SMG7: variants seen among roughly 807,000 people sequenced by gnomAD.
SMG7 encodes the protein SMG7 nonsense mediated mRNA decay factor, also known as nonsense-mediated mRNA decay factor SMG7.
SMG7 carries 34 observed loss-of-function variants against 148.2 expected under a neutral mutation model. The observed-to-expected ratio is 0.23, with a 90% CI of 0.17 to 0.31. The LOEUF is 0.31. SMG7 is among the 10% of genes least tolerant of loss of function. The pLI, the probability that SMG7 is intolerant of heterozygous loss-of-function variation, is 1.00. For missense variants in SMG7, 1,114 were observed against 1,408.4 expected (o/e 0.79, Z 3.35); for synonymous variants, 492 against 515.1 (o/e 0.96, Z 0.61).
chr1:183,480,566 CA>C (rs1365658723), intron 1 of SMG7, among the ~76,000 whole-genome samples: 9 of 152,010 alleles, frequency 5.9e-5, no homozygotes, highest in Non-Finnish European at 1.0e-4. Context: ...CTATCCATTC[CA>C]CCAATAAACA....
chr1:183,501,536 T>A (rs1451605907), intron 1 of SMG7, among the ~76,000 whole-genome samples: 4 of 152,230 alleles, frequency 2.6e-5, no homozygotes, highest in African/African-American at 9.6e-5. Context: ...TTGAGTTAAA[T>A]TGAAGTCCCC....
At chr1:183,544,240 C>A in intron 14 of SMG7, 113 bp from the exon 15 acceptor site, 1 of 722,176 alleles carries the variant, frequency 1.4e-6, no homozygotes, top group Non-Finnish European at 2.3e-6. Context: ...ATATCTTCAG[C>A]ATGTACTTTT....
chr1:183,526,156 A>ATATATTT (rs1369384362), intron 4 of SMG7, among the ~76,000 whole-genome samples: 1 of 96,646 alleles, frequency 1.0e-5, no homozygotes, highest in Non-Finnish European at 2.1e-5. Flanking sequence ...ATATATATAT[A>ATATATTT]TTTTTTTTTT....
At chr1:183,484,383 A>G (rs935131056) in intron 1 of SMG7, among the ~76,000 whole-genome samples, 75 of 126,938 alleles carry the variant, frequency 5.9e-4, no homozygotes, top group African/African-American at 1.8e-3. Flanking sequence ...TTTTTGGTCT[A>G]CAATTGGTTG....
At chr1:183,487,335 G>A (rs984405179) in intron 1 of SMG7, among the ~76,000 whole-genome samples, 1 of 152,120 alleles carries the variant, frequency 6.6e-6, no homozygotes, top group Admixed American at 6.5e-5. Context: ...CTCTTTCTCT[G>A]ACTCTCCTGC....
chr1:183,478,564 T>C (rs565776056), intron 1 of SMG7, among the ~76,000 whole-genome samples: 2 of 152,280 alleles, frequency 1.3e-5, no homozygotes, highest in South Asian at 4.1e-4. Context: ...TCTGCCTTCA[T>C]GGTAGAAGAA....
chr1:183,526,530 A>G, intron 4 of SMG7, 66 bp from the exon 5 acceptor site: 1 of 1,032,208 alleles, frequency 9.7e-7, no homozygotes, highest in South Asian at 1.5e-5. Context: ...CACATCTTAC[A>G]GTTTATAAAC....
At position 183,480,849 on chromosome 1, in the gene SMG7, T is replaced by C. The variant is rs142908812; in HGVS notation, c.29+8200T>C. ...TCCTGCAAGCATCAAGAAGGAAGCA[T>C]TGATCTGGGGCTTTAAGCACCATCT... is the stretch of plus-strand genomic sequence containing the variant. On this transcript the variant is annotated intron_variant, in intron 1 of 22. Transcript: ENST00000688051. 2.5e-3 allele frequency among the ~76,000 whole-genome samples: 385 copies of C among 152,276 alleles called. 2 individuals carry two copies. The highest frequency in any genetic ancestry group is 0.01 in the Middle Eastern group (3 of 294).
chr1:183,506,904 A>G (rs1186446789), intron 1 of SMG7, among the ~76,000 whole-genome samples: 5 of 117,310 alleles, frequency 4.3e-5, no homozygotes, highest in African/African-American at 1.3e-4. Context: ...TTGGAGACGG[A>G]GTCTCACTCT....
intron 1 of SMG7, among the ~76,000 whole-genome samples, chr1:183,495,014 A>G (rs565881779): frequency 6.6e-6 from 1 of 151,790 alleles, no homozygotes; most frequent in Non-Finnish European, 1.5e-5. Flanking sequence ...TTTTTAGTAG[A>G]GACAGGGTTT....
chr1:183,515,181 C>G (rs772887396), intron 2 of SMG7, among the ~76,000 whole-genome samples: 23 of 152,314 alleles, frequency 1.5e-4, no homozygotes, highest in Middle Eastern at 6.8e-3. Flanking sequence ...TACACCCAGT[C>G]TCTCATCTGA....
At chr1:183,522,773 AGT>A (rs1665031256) in intron 4 of SMG7, among the ~76,000 whole-genome samples, 2 of 150,698 alleles carry the variant, frequency 1.3e-5, no homozygotes, top group African/African-American at 4.9e-5. Context: ...ATAGTTTTTT[AGT>A]TTTTTGTTTT....
chr1:183,522,972 T>C (rs1229526099), intron 4 of SMG7, among the ~76,000 whole-genome samples: 2 of 152,088 alleles, frequency 1.3e-5, no homozygotes, highest in Non-Finnish European at 2.9e-5. Context: ...CTCACTATGT[T>C]ACCCAGGCTG....
intron 18 of SMG7, among the ~76,000 whole-genome samples, chr1:183,547,890 A>G (rs1021077817): frequency 2.0e-5 from 3 of 152,250 alleles, no homozygotes; most frequent in African/African-American, 7.2e-5. Context: ...TGCATTTCAA[A>G]GAACATCATT....
At chr1:183,497,681 T>C (rs1658831378) in intron 1 of SMG7, among the ~76,000 whole-genome samples, 2 of 152,158 alleles carry the variant, frequency 1.3e-5, no homozygotes, top group African/African-American at 2.4e-5. Context: ...GCGATTCTCC[T>C]GCCTCAGCCT....
chr1:183,507,459 T>A (rs1421053153), intron 1 of SMG7, among the ~76,000 whole-genome samples: 1 of 152,192 alleles, frequency 6.6e-6, no homozygotes. Flanking sequence ...GGAGTTATAC[T>A]CTGGAGCCAT....
Position 183,553,206 on chromosome 1 carries a change from T to C in SMG7, c.*1275T>C, listed in dbSNP as rs1414896198. On this transcript the variant is annotated 3_prime_UTR_variant, in exon 23 of 23. Coordinates refer to ENST00000688051, the MANE Select transcript of SMG7 (RefSeq NM_001375584.1). Reference sequence around the variant, plus strand: ...AGACGAAAGAAAGGAAAATAAACTCTTTGTATGATATTTATTAGGAGGAAA... The same window carrying C: ...AGACGAAAGAAAGGAAAATAAACTCCTTGTATGATATTTATTAGGAGGAAA... 3 of 1,531,740 alleles carry C rather than the reference T, an allele frequency of 2.0e-6. No homozygotes were observed. The highest frequency in any genetic ancestry group is 2.5e-5 in the East Asian group (1 of 40,796). 94.9% of individuals were successfully genotyped at this position (1,531,740 alleles called of 1,614,324 possible). A position where few individuals can be genotyped will look rare whatever the true frequency, so the allele number is the denominator to read the frequency against.
chr1:183,517,895 A>G, intron 4 of SMG7, 75 bp downstream of exon 4: 1 of 1,427,738 alleles, frequency 7.0e-7, no homozygotes, highest in Non-Finnish European at 9.8e-7. Flanking sequence ...GTCTTAATGC[A>G]TGTAAACAAT....
chr1:183,485,308 T>G (rs1474297893), intron 1 of SMG7, among the ~76,000 whole-genome samples: 1 of 152,204 alleles, frequency 6.6e-6, no homozygotes, highest in Non-Finnish European at 1.5e-5. Flanking sequence ...TGTAGAATTA[T>G]AAACATATAT....
Sources: gnomAD v4.1 joint callset for allele counts (sites outside exome capture counted in the v4.1 genomes callset) on GRCh38, gnomAD v4.1.1 for gene constraint, MANE v1.5 for transcripts, NCBI Gene and HGNC (gene_info 2026-07-23, HGNC 2026-07-21) for gene names.